Variants in ZNF385D observed in about 807,000 individuals in gnomAD.
The protein encoded by ZNF385D is zinc finger protein 385D, also known as zinc finger protein 659.
A neutral mutation model predicts 35.8 loss-of-function variants in ZNF385D; 15 were observed. That is an observed-to-expected ratio of 0.42 (90% CI 0.28 to 0.64). ZNF385D has a LOEUF of 0.64. Ranked by LOEUF, ZNF385D falls within the 30% of genes least tolerant of loss-of-function variation. ZNF385D has a pLI of 0.23. For synonymous variants in ZNF385D, 212 were observed against 186.8 expected (o/e 1.13, Z -1.10); for missense variants, 474 against 494.6 (o/e 0.96, Z 0.39).
chr3:22,216,369 G>C (rs1248375054), intron 2 of ZNF385D, among the ~76,000 whole-genome samples: 1 of 151,992 alleles, frequency 6.6e-6, no homozygotes, highest in Admixed American at 6.6e-5. Context: ...AAATTGCTAT[G>C]GGAACGCAGA....
At chr3:22,168,691 A>C (rs145802132) in intron 3 of ZNF385D, 2 of 539,788 alleles carry the variant, frequency 3.7e-6, no homozygotes. Flanking sequence ...TCTGCTGATA[A>C]AAATTTTAAG....
intron 2 of ZNF385D, among the ~76,000 whole-genome samples, chr3:22,367,442 G>C: frequency 6.6e-6 from 1 of 152,266 alleles, no homozygotes. Flanking sequence ...ATACTATGAA[G>C]TTACTGTGAA....
At chr3:21,446,706 C>T (rs406623) in intron 4 of ZNF385D, among the ~76,000 whole-genome samples, 51,451 of 151,232 alleles carry the variant, frequency 0.34, 9,459 homozygotes, top group Non-Finnish European at 0.42. Context: ...GTTGGCCAGC[C>T]GGTCTCCAAT....
chr3:21,435,120 G>A (rs185078490), intron 5 of ZNF385D, among the ~76,000 whole-genome samples: 1 of 152,138 alleles, frequency 6.6e-6, no homozygotes, highest in East Asian at 1.9e-4. Flanking sequence ...AAGCTCTGGG[G>A]TAATTTTGAC....
At chr3:22,109,114 G>C (rs370168773) in intron 3 of ZNF385D, among the ~76,000 whole-genome samples, 5 of 152,118 alleles carry the variant, frequency 3.3e-5, no homozygotes, top group African/African-American at 1.2e-4. Flanking sequence ...CTTCACTGAG[G>C]TGTGCCTATT....
chr3:21,938,695 C>T (rs13316500), intron 3 of ZNF385D, among the ~76,000 whole-genome samples: 4,960 of 152,188 alleles, frequency 0.033, 278 homozygotes, highest in African/African-American at 0.11. Context: ...CCTTTCTTAC[C>T]GTGCTTCATG....
chr3:22,197,018 G>T (rs1165420119), intron 2 of ZNF385D, among the ~76,000 whole-genome samples: 2 of 151,982 alleles, frequency 1.3e-5, no homozygotes, highest in Admixed American at 6.6e-5. Context: ...TTCTCAATTT[G>T]TAAGTATTAT....
chr3:22,049,768 G>A (rs151108095), intron 3 of ZNF385D, among the ~76,000 whole-genome samples: 50 of 152,074 alleles, frequency 3.3e-4, no homozygotes, highest in African/African-American at 1.2e-3. Context: ...TATATTTTTT[G>A]TTCCTCATTC....
chr3:21,784,118 A>T (rs1458305888), intron 3 of ZNF385D, among the ~76,000 whole-genome samples: 1 of 152,192 alleles, frequency 6.6e-6, no homozygotes, highest in East Asian at 1.9e-4. Flanking sequence ...TTAGTGAACT[A>T]TGGGTATTAG....
chr3:21,950,931 C>T (rs576317213), intron 3 of ZNF385D, among the ~76,000 whole-genome samples: 4 of 151,766 alleles, frequency 2.6e-5, no homozygotes, highest in Admixed American at 2.0e-4. Context: ...CTGTACCATG[C>T]TGTTTTGGTT....
chr3:21,648,279 C>T (rs1407946870), intron 2 of ZNF385D, among the ~76,000 whole-genome samples: 7 of 152,196 alleles, frequency 4.6e-5, no homozygotes, highest in Non-Finnish European at 7.3e-5. Flanking sequence ...GCTCTTCTCT[C>T]TCCTGCTGCC....
At chr3:21,436,890 C>A (rs1425904760) in intron 5 of ZNF385D, 80 bp downstream of exon 5, 5 of 1,343,202 alleles carry the variant, frequency 3.7e-6, no homozygotes, top group African/African-American at 1.5e-5. Context: ...CCCTTTGTCC[C>A]CTGCTGCAAA....
intron 2 of ZNF385D, among the ~76,000 whole-genome samples, chr3:22,280,168 A>G (rs943238483): frequency 1.3e-5 from 2 of 152,050 alleles, no homozygotes; most frequent in East Asian, 1.9e-4. Flanking sequence ...TAGATTCTGG[A>G]TATTAGTCCT....
intron 3 of ZNF385D, among the ~76,000 whole-genome samples, chr3:22,068,636 T>A (rs1399597642): frequency 6.6e-6 from 1 of 152,240 alleles, no homozygotes; most frequent in Non-Finnish European, 1.5e-5. Flanking sequence ...TTCTTTGATC[T>A]TTCTTTGGCT....
At chr3:21,627,246 GGTGT>G (rs55918045) in intron 2 of ZNF385D, among the ~76,000 whole-genome samples, 3,803 of 139,434 alleles carry the variant, frequency 0.027, 48 homozygotes, top group Middle Eastern at 0.072. Flanking sequence ...AGAGGTGTAG[GGTGT>G]GTGTGTGTGT....
intron 2 of ZNF385D, among the ~76,000 whole-genome samples, chr3:22,252,293 A>C (rs1457527141): frequency 6.6e-6 from 1 of 152,062 alleles, no homozygotes; most frequent in Non-Finnish European, 1.5e-5. Context: ...ATACCAATAA[A>C]CTAATTTTTC....
chr3:22,135,377 A>G (rs888085717), intron 3 of ZNF385D, among the ~76,000 whole-genome samples: 6 of 152,130 alleles, frequency 3.9e-5, no homozygotes, highest in Non-Finnish European at 7.4e-5. Flanking sequence ...ACAAGCAATA[A>G]TAATTGAAAA....
At chr3:22,094,367 C>A (rs573789102) in intron 3 of ZNF385D, among the ~76,000 whole-genome samples, 1 of 64,632 alleles carries the variant, frequency 1.5e-5, no homozygotes, top group African/African-American at 5.6e-5. Context: ...TTACCATTGT[C>A]TTCTGTCATT....
At chr3:22,150,489 G>T (rs1020829548) in intron 3 of ZNF385D, among the ~76,000 whole-genome samples, 3 of 151,902 alleles carry the variant, frequency 2.0e-5, no homozygotes, top group Admixed American at 2.0e-4. Flanking sequence ...ACAATTAATA[G>T]TGGGAATGCA....
Sources: allele counts gnomAD v4.1 joint callset (sites outside exome capture counted in the v4.1 genomes callset), GRCh38; gene constraint gnomAD v4.1.1; transcripts MANE v1.5; gene names NCBI Gene and HGNC (gene_info 2026-07-23, HGNC 2026-07-21).